BRCA1: variants seen among roughly 807,000 people sequenced by gnomAD.
The protein encoded by BRCA1 is breast cancer type 1 susceptibility protein.
Under a neutral mutation model 173.7 loss-of-function variants are expected in BRCA1, and 140 were observed. The ratio of observed to expected loss-of-function variants is 0.81; its 90% CI spans 0.70 to 0.93. BRCA1 has a LOEUF of 0.93. Ranked by LOEUF, BRCA1 falls within the 40% of genes least tolerant of loss-of-function variation. BRCA1 has a pLI of 0.00. For synonymous variants in BRCA1, 662 were observed against 756.0 expected (o/e 0.88, Z 2.04); for missense variants, 1,983 against 2,172.5 (o/e 0.91, Z 1.73).
At chr17:43,125,909 G>A (rs933734606), upstream of BRCA1, 1 of 152,968 alleles carries the variant, frequency 6.5e-6, no homozygotes, top group African/African-American at 2.4e-5. Context: ...ATACCAGAGC[G>A]GGCACAATTC....
intron 3 of BRCA1, among the ~76,000 whole-genome samples, chr17:43,113,082 CG>C (rs2055113643): frequency 6.6e-6 from 1 of 152,176 alleles, no homozygotes; most frequent in Non-Finnish European, 1.5e-5. Context: ...GGATTAGAGG[CG>C]TGAGCCACCG....
chr17:43,051,227 T>C, intron 19 of BRCA1, 110 bp from the exon 20 acceptor site: 2 of 1,015,412 alleles, frequency 2.0e-6, no homozygotes, highest in Non-Finnish European at 3.0e-6. Context: ...AAGGAAGAGC[T>C]TTTCTTTTTC....
At position 43,093,270 on chromosome 17, in the gene BRCA1, CCACTT is replaced by C. The variant is rs2053792576; in HGVS notation, c.2256_2260del (p.Ser753ArgfsTer7). ...TCTTTCAGTTTGCAAAACCCTTTCT[CCACTT>C]AACATGAGATCTTTGGGGTCTTCAG... is the stretch of plus-strand genomic sequence containing the variant. On this transcript the variant is annotated frameshift_variant, in exon 10 of 23. Transcript: ENST00000357654. LOFTEE classifies it high-confidence loss of function. 6.2e-7 allele frequency: 1 copy of C among 1,614,084 alleles called. No individual in the cohort carries two copies. Among genetic ancestry groups the C allele is most frequent in the Non-Finnish European group, 8.5e-7 (1 of 1,179,992 alleles).
Position 43,091,656 on chromosome 17 carries a change from G to C in BRCA1, c.3875C>G (p.Ser1292Cys), listed in dbSNP as rs876658340. Residue 1292 changes from serine (S) to cysteine (C), a missense_variant, in exon 10 of 23, where the codon TCT becomes TGT. Ser to Cys is a moderately radical substitution (Grantham distance 112). Coordinates refer to ENST00000357654, the MANE Select transcript of BRCA1 (RefSeq NM_007294.4). The stretch of plus-strand genomic sequence containing the variant: ...GCACTGTGAAGAAAACAAGCTAGCA[G>C]AACATTTTGTTTCCTCACTAAGGTG... ...EHHLSEETKCSASLFSSQCSE... is the reference protein window; with the variant it reads ...EHHLSEETKCCASLFSSQCSE... 1 of 1,614,198 alleles carries C rather than the reference G, an allele frequency of 6.2e-7. No individual in the cohort carries two copies. The highest frequency in any genetic ancestry group is 8.5e-7 in the Non-Finnish European group (1 of 1,180,030).
upstream of BRCA1, among the ~76,000 whole-genome samples, chr17:43,126,360 G>A (rs11655505): frequency 0.32 from 48,185 of 152,070 alleles, 7,977 homozygotes; most frequent in South Asian, 0.49. Flanking sequence ...TACTGTCTTT[G>A]TCCGCCATGT....
chr17:43,133,512 C>G (rs1021974093), intron 1 of BRCA1, among the ~76,000 whole-genome samples: 4 of 152,160 alleles, frequency 2.6e-5, no homozygotes, highest in African/African-American at 9.7e-5. Context: ...GCTGACATAC[C>G]AGTGGGATGT....
upstream of BRCA1, among the ~76,000 whole-genome samples, chr17:43,126,632 A>T (rs1178125591): frequency 6.6e-6 from 1 of 152,176 alleles, no homozygotes; most frequent in East Asian, 1.9e-4. Flanking sequence ...AGTGGGCGAA[A>T]AGCGCCGGAG....
intron 1 of BRCA1, chr17:43,164,406 T>C (rs1597948034): frequency 6.6e-6 from 1 of 152,328 alleles, no homozygotes; most frequent in East Asian, 1.9e-4. Flanking sequence ...GGGACAGAAG[T>C]ACTTTTCTGA....
At chr17:43,169,040 C>A (rs1401210044) in intron 1 of BRCA1, among the ~76,000 whole-genome samples, 1 of 152,288 alleles carries the variant, frequency 6.6e-6, no homozygotes, top group Non-Finnish European at 1.5e-5. Context: ...TTCCCTCTTG[C>A]GCTTTCTCAA....
In BRCA1 at chr17:43,093,822, G is replaced by T. The variant is rs879254020; in HGVS notation, c.1709C>A (p.Pro570Gln). 3.1e-6 allele frequency: 5 copies of T among 1,613,340 alleles called. No individual in the cohort carries two copies. Among genetic ancestry groups the T allele is most frequent in the Non-Finnish European group, 4.2e-6 (5 of 1,179,858 alleles). Residue 570 changes from proline to glutamine, a missense_variant, in exon 10 of 23, where the codon CCA (proline) becomes CAA (glutamine). Physicochemically the swap from Pro to Gln is moderately conservative, Grantham distance 76 (BLOSUM62 -1). Transcript: ENST00000357654. ...AGATTCTTTTTCGAGTGATTCTATTGGGTTAGGATTTTTCTCATTCTGAAT... is the reference window on the plus strand; with the variant it reads ...AGATTCTTTTTCGAGTGATTCTATTTGGTTAGGATTTTTCTCATTCTGAAT... ...DSIQNEKNPN[P>Q]IESLEKESAF...
intron 15 of BRCA1, among the ~76,000 whole-genome samples, chr17:43,070,041 C>T (rs1276923651): frequency 6.6e-6 from 1 of 152,186 alleles, no homozygotes; most frequent in Non-Finnish European, 1.5e-5. Context: ...TCAAGCAATT[C>T]TCCTGCCTCA....
intron 1 of BRCA1, chr17:43,144,736 C>T (rs574219868): frequency 8.7e-5 from 24 of 275,066 alleles, no homozygotes; most frequent in African/African-American, 4.5e-4. Flanking sequence ...AGAGCAGCTC[C>T]GAGGGCAGGC....
intron 12 of BRCA1, among the ~76,000 whole-genome samples, chr17:43,080,555 A>C (rs1000401499): frequency 5.3e-5 from 8 of 151,866 alleles, no homozygotes; most frequent in African/African-American, 1.9e-4. Context: ...CTGTAACCCC[A>C]GCACTTTGGG....
intron 1 of BRCA1, among the ~76,000 whole-genome samples, chr17:43,157,336 A>G (rs531645939): frequency 6.6e-6 from 1 of 152,260 alleles, no homozygotes; most frequent in East Asian, 1.9e-4. Context: ...TGGGTACTGT[A>G]TTAAAAGGAA....
At chr17:43,047,570 A>T (rs2152751721) in intron 22 of BRCA1, 73 bp downstream of exon 22, 1 of 1,429,526 alleles carries the variant, frequency 7.0e-7, no homozygotes, top group Non-Finnish European at 9.9e-7. Flanking sequence ...CTACTCAAGC[A>T]CCAGGTAATG....
chr17:43,074,370 C>T lies in BRCA1; in HGVS notation c.4636G>A (p.Asp1546Asn), dbSNP rs28897691. 202 of 1,614,072 alleles carry T rather than the reference C, an allele frequency of 1.3e-4. No individual in the cohort carries two copies. The Middle Eastern group carries it at 1.8e-3, about 15-fold the overall frequency. ...GGCAAGTAAGATGTTTCCGTCAAAT[C>T]GTGTGGCCCAGACTCTTCCAGCTGT... The part of the protein sequence containing the change: ...EQQLEESGPH[D>N]LTETSYLPRQ... The change falls in exon 14 of 23, where the codon GAT (aspartate) becomes AAT (asparagine). Residue 1546 changes from aspartate to asparagine, a missense_variant. Transcript: ENST00000357654.
rs1555588264 is a variant in BRCA1 at position 43,092,358 on chromosome 17, A to G, written c.3173T>C (p.Ile1058Thr). The G allele has an allele frequency of 6.2e-7, 1 of 1,613,944 alleles. No individual in the cohort carries two copies. The highest frequency in any genetic ancestry group is 8.5e-7 in the Non-Finnish European group (1 of 1,179,998). ...GSSTNEVGSSINEIGSSDENI... is the reference protein window; with the variant it reads ...GSSTNEVGSSTNEIGSSDENI... ...TTCATCACTGGAACCTATTTCATTAATACTGGAGCCCACTTCATTAGTACT... is the reference window on the plus strand; with the variant it reads ...TTCATCACTGGAACCTATTTCATTAGTACTGGAGCCCACTTCATTAGTACT... The change falls in exon 10 of 23, where the codon ATT (isoleucine) becomes ACT (threonine). Residue 1058 changes from isoleucine to threonine, a missense_variant. Ile to Thr is a moderately conservative substitution (Grantham distance 89). Transcript: ENST00000357654.
At chr17:43,143,479 G>T (rs1026863938) in intron 1 of BRCA1, among the ~76,000 whole-genome samples, 1 of 152,118 alleles carries the variant, frequency 6.6e-6, no homozygotes, top group African/African-American at 2.4e-5. Flanking sequence ...TGGGATGGGG[G>T]TGCTGCTGTT....
chr17:43,070,979 C>G lies in BRCA1; in HGVS notation c.4935G>C (p.Arg1645Ser), dbSNP rs80357373. ...CCACCATGGACATTCTTTTGTTGAC[C>G]CTTTCTGTTGAAGCTGTCAATTCTG... ...EKPELTASTERVNKRMSMVVS... is the reference protein window; with the variant it reads ...EKPELTASTESVNKRMSMVVS... The change falls in exon 15 of 23, where the codon AGG (arginine) becomes AGC (serine). Residue 1645 changes from arginine to serine, a missense_variant. Transcript: ENST00000357654. The G allele has an allele frequency of 3.1e-6, 5 of 1,614,176 alleles. No individual in the cohort carries two copies. Among genetic ancestry groups the G allele is most frequent in the East Asian group, 2.2e-5 (1 of 44,888 alleles).
Sources: allele counts gnomAD v4.1 joint callset (sites outside exome capture counted in the v4.1 genomes callset), GRCh38; gene constraint gnomAD v4.1.1; transcripts MANE v1.5; gene names NCBI Gene and HGNC (gene_info 2026-07-23, HGNC 2026-07-21).